SLC30A6: variants seen among roughly 807,000 people sequenced by gnomAD.
SLC30A6 encodes zinc transporter 6.
In SLC30A6, 55 loss-of-function variants were observed where a neutral mutation model predicts 63.0. The ratio of observed to expected loss-of-function variants is 0.87; its 90% CI spans 0.70 to 1.09. The LOEUF (loss-of-function observed/expected upper bound fraction) is 1.09. Ranked by LOEUF, SLC30A6 falls within the 50% of genes least tolerant of loss-of-function variation. The probability of loss-of-function intolerance (pLI) is 0.00; values close to 1 mark genes in which losing one functional copy is unlikely to be tolerated. For missense variants in SLC30A6, 587 were observed against 549.2 expected (o/e 1.07, Z -0.69); for synonymous variants, 224 against 186.1 (o/e 1.20, Z -1.66).
chr2:32,200,863 C>A (rs546219804), intron 10 of SLC30A6, among the ~76,000 whole-genome samples: 1 of 150,942 alleles, frequency 6.6e-6, no homozygotes, highest in African/African-American at 2.4e-5. Flanking sequence ...ATAATAAAAC[C>A]CTCCCCTTTG....
chr2:32,202,331 TTTTGTTTG>T (rs555229530), intron 10 of SLC30A6: 145 of 389,728 alleles, frequency 3.7e-4, no homozygotes, highest in African/African-American at 2.6e-3. Flanking sequence ...AGAAACAGTT[TTTTGTTTG>T]TTTGTTTGTT....
At chr2:32,180,705 T>G (rs754070961) in intron 4 of SLC30A6, among the ~76,000 whole-genome samples, 7 of 152,196 alleles carry the variant, frequency 4.6e-5, no homozygotes, top group Admixed American at 2.6e-4. Flanking sequence ...AGTGCTGGGA[T>G]TACAGGCGTG....
intron 8 of SLC30A6, among the ~76,000 whole-genome samples, chr2:32,194,563 C>A (rs1404528479): frequency 6.6e-6 from 1 of 152,074 alleles, no homozygotes; most frequent in Non-Finnish European, 1.5e-5. Context: ...ATCCCACTAA[C>A]CCACAAAAGA....
At chr2:32,181,610 T>C (rs1682320398) in intron 4 of SLC30A6, among the ~76,000 whole-genome samples, 2 of 152,220 alleles carry the variant, frequency 1.3e-5, no homozygotes, top group African/African-American at 4.8e-5. Context: ...CTCACGCCTG[T>C]AATCCCAGCA....
At position 32,220,105 on chromosome 2, in the gene SLC30A6, A is replaced by G. The variant is rs1049299024; in HGVS notation, c.886-108A>G. The G allele has an allele frequency of 5.4e-6, 7 of 1,298,154 alleles. 1 individual carries two copies. Among genetic ancestry groups the G allele is most frequent in the South Asian group, 3.2e-5 (2 of 62,076 alleles). The allele number at this position is 1,298,154 out of a possible 1,614,324, so 80.4% of individuals were successfully genotyped here. ...TATTAACATTAAGCTTTTTCTTTCAAAGAAAATGCCAGGAACTTACCAAAT... is the reference window on the plus strand; with the variant it reads ...TATTAACATTAAGCTTTTTCTTTCAGAGAAAATGCCAGGAACTTACCAAAT... On this transcript the variant is annotated intron_variant, in intron 13 of 13. Coordinates refer to ENST00000282587, the MANE Select transcript of SLC30A6 (RefSeq NM_017964.5).
intron 13 of SLC30A6, among the ~76,000 whole-genome samples, chr2:32,211,766 C>G (rs550048725): frequency 6.6e-6 from 1 of 151,954 alleles, no homozygotes; most frequent in Non-Finnish European, 1.5e-5. Context: ...TACAGGCACG[C>G]ACCACCACGC....
chr2:32,219,291 C>T (rs1685964641), intron 13 of SLC30A6, among the ~76,000 whole-genome samples: 2 of 151,926 alleles, frequency 1.3e-5, no homozygotes, highest in African/African-American at 4.8e-5. Flanking sequence ...CCACCTCAGC[C>T]TCCCAAAGTG....
chr2:32,204,017 T>A, intron 10 of SLC30A6: 1 of 678,174 alleles, frequency 1.5e-6, no homozygotes, highest in Non-Finnish European at 2.6e-6. Context: ...ATAGTTAATC[T>A]ACCAGTATGA....
At chr2:32,219,225 G>C (rs569287029) in intron 13 of SLC30A6, among the ~76,000 whole-genome samples, 136 of 151,740 alleles carry the variant, frequency 9.0e-4, no homozygotes, top group African/African-American at 3.1e-3. Context: ...GTGGAGGTGG[G>C]GTTTCACCAT....
chr2:32,168,816 G>C (rs1040031319), intron 1 of SLC30A6, among the ~76,000 whole-genome samples: 3 of 152,168 alleles, frequency 2.0e-5, no homozygotes, highest in African/African-American at 7.2e-5. Context: ...AAAGAAACAG[G>C]CTAAGTCATT....
intron 4 of SLC30A6, among the ~76,000 whole-genome samples, chr2:32,180,365 C>T (rs537213290): frequency 2.6e-5 from 4 of 151,174 alleles, no homozygotes; most frequent in African/African-American, 7.3e-5. Flanking sequence ...GATTGCACCA[C>T]TGTAATCCAG....
In SLC30A6 at chr2:32,219,267, CA is replaced by C. The variant is rs1374140721; in HGVS notation, c.886-945del. On this transcript the variant is annotated intron_variant, in intron 13 of 13. Transcript: ENST00000282587. Reference sequence around the variant, plus strand: ...CAGGCTGGTCTCGAACTCCTGACGTCAGGGGTGATCCGCCCACCTCAGCCTC... The same window carrying C: ...CAGGCTGGTCTCGAACTCCTGACGTCGGGGTGATCCGCCCACCTCAGCCTC... 3.3e-5 allele frequency among the ~76,000 whole-genome samples: 5 copies of C among 151,738 alleles called. No homozygotes were observed. The East Asian group carries it at 9.7e-4, about 30-fold the overall frequency.
chr2:32,217,458 T>G (rs191742618), intron 13 of SLC30A6, among the ~76,000 whole-genome samples: 14 of 152,346 alleles, frequency 9.2e-5, no homozygotes, highest in African/African-American at 2.4e-5. Context: ...CCATGCTGTT[T>G]TGGTTACTGT....
chr2:32,187,727 G>T (rs1394361157), intron 5 of SLC30A6, among the ~76,000 whole-genome samples: 3 of 152,082 alleles, frequency 2.0e-5, no homozygotes, highest in Non-Finnish European at 4.4e-5. Flanking sequence ...CTATTCCTTT[G>T]TAGTTTTCCC....
Position 32,223,077 on chromosome 2 carries a change from A to G in SLC30A6, c.*2364A>G, listed in dbSNP as rs1272105544. ...TGTGGGTTATGAAAGAATTGGCCCT[A>G]CGTCCTGCATGTAAGATGTTACAGG... On this transcript the variant is annotated 3_prime_UTR_variant, in exon 14 of 14. Coordinates refer to ENST00000282587, the MANE Select transcript of SLC30A6 (RefSeq NM_017964.5). 1 of 152,224 alleles carries G rather than the reference A, an allele frequency of 6.6e-6. No homozygotes were observed. Among genetic ancestry groups the G allele is most frequent in the Non-Finnish European group, 1.5e-5 (1 of 68,046 alleles). 9.4% of individuals were successfully genotyped at this position (152,224 alleles called of 1,614,324 possible).
At position 32,184,128 on chromosome 2, in the gene SLC30A6, T is replaced by G. The variant is rs1682597905; in HGVS notation, c.219-145T>G. The G allele has an allele frequency of 1.4e-5, 4 of 279,528 alleles. No homozygotes were observed. In the South Asian group the frequency reaches 4.6e-4, roughly 32 times the overall value. 17.3% of individuals were successfully genotyped at this position (279,528 alleles called of 1,614,324 possible). A position where few individuals can be genotyped will look rare whatever the true frequency, so the allele number is the denominator to read the frequency against. ...GGTAAACTACTAGAATTAATTATCT[T>G]AATAAATTATTAGAATAATTTATTA... On this transcript the variant is annotated intron_variant, in intron 4 of 13. Coordinates refer to ENST00000282587, the MANE Select transcript of SLC30A6 (RefSeq NM_017964.5).
rs144128781 is a variant in SLC30A6, at chr2:32,182,187, C to T, written c.219-2086C>T. On this transcript the variant is annotated intron_variant, in intron 4 of 13. Transcript: ENST00000282587. ...TGGGCTCTCAAGTGATCCACCTGCC[C>T]TGACCTCCCAAAGTGCTAGGTTTAC... Among the ~76,000 whole-genome samples the T allele has an allele frequency of 9.2e-5, 14 of 152,038 alleles. No homozygotes were observed. In the East Asian group the frequency reaches 2.7e-3, roughly 29 times the overall value.
At chr2:32,182,271 G>C (rs1370430860) in intron 4 of SLC30A6, among the ~76,000 whole-genome samples, 1 of 152,066 alleles carries the variant, frequency 6.6e-6, no homozygotes, top group Non-Finnish European at 1.5e-5. Flanking sequence ...AACTCATTTG[G>C]CTGCCTTTAT....
intron 13 of SLC30A6, among the ~76,000 whole-genome samples, chr2:32,210,711 G>T (rs1005165077): frequency 1.3e-5 from 2 of 151,790 alleles, no homozygotes; most frequent in Admixed American, 6.6e-5. Context: ...ATCAAAGCTG[G>T]TCTAGCAGTT....
Sources: gnomAD v4.1 joint callset for allele counts (sites outside exome capture counted in the v4.1 genomes callset) on GRCh38, gnomAD v4.1.1 for gene constraint, MANE v1.5 for transcripts, NCBI Gene and HGNC (gene_info 2026-07-23, HGNC 2026-07-21) for gene names.